The following FHIT variants were observed in gnomAD, a reference collection of about 807,000 sequenced individuals.
FHIT encodes bis(5'-adenosyl)-triphosphatase.
FHIT carries 19 observed loss-of-function variants against 17.9 expected under a neutral mutation model. The observed-to-expected ratio is 1.06, with a 90% confidence interval of 0.74 to 1.56. FHIT has a LOEUF of 1.56. Among genes scored for constraint, FHIT ranks in the 40% most tolerant of loss-of-function variants. The pLI, the probability that FHIT is intolerant of heterozygous loss-of-function variation, is 0.00. For missense variants in FHIT, 248 were observed against 189.2 expected, an observed-to-expected ratio of 1.31 and a Z score of -1.82; for synonymous variants, 81 against 69.7, an observed-to-expected ratio of 1.16 and a Z score of -0.81.
At chr3:59,899,488 C>T (rs937331819) in intron 8 of FHIT, among the ~76,000 whole-genome samples, 6 of 152,210 alleles carry the variant, frequency 3.9e-5, no homozygotes, top group Middle Eastern at 3.4e-3. Context: ...TGCCTAGCTT[C>T]GTGCCAGTTA....
chr3:61,102,653 G>A (rs1000243505), intron 2 of FHIT, among the ~76,000 whole-genome samples: 6 of 152,120 alleles, frequency 3.9e-5, no homozygotes, highest in Non-Finnish European at 7.4e-5. Context: ...TTGTATCTCT[G>A]GTAGAATTTG....
chr3:59,795,785 G>A (rs1219926178), intron 8 of FHIT, among the ~76,000 whole-genome samples: 2 of 152,168 alleles, frequency 1.3e-5, no homozygotes, highest in Admixed American at 6.5e-5. Flanking sequence ...TAAGGTAAGA[G>A]GTGCCCCGCT....
chr3:60,126,313 C>A (rs1705548260), intron 5 of FHIT, among the ~76,000 whole-genome samples: 1 of 152,196 alleles, frequency 6.6e-6, no homozygotes, highest in African/African-American at 2.4e-5. Flanking sequence ...CCCACCAGTG[C>A]CTCTCTATAT....
At chr3:60,405,852 G>A (rs1701836473) in intron 5 of FHIT, among the ~76,000 whole-genome samples, 1 of 152,156 alleles carries the variant, frequency 6.6e-6, no homozygotes, top group South Asian at 2.1e-4. Flanking sequence ...GAAACCCTCA[G>A]CTAGACAACT....
chr3:60,204,345 C>T (rs1461824473), intron 5 of FHIT, among the ~76,000 whole-genome samples: 2 of 152,180 alleles, frequency 1.3e-5, no homozygotes, highest in Non-Finnish European at 2.9e-5. Flanking sequence ...TNTCAGCTCA[C>T]CTCAGCCTCC....
intron 5 of FHIT, among the ~76,000 whole-genome samples, chr3:60,510,998 G>A (rs2034931574): frequency 6.6e-6 from 1 of 152,054 alleles, no homozygotes; most frequent in African/African-American, 2.4e-5. Context: ...CTGATGATGG[G>A]GGAAATGCAG....
At chr3:60,714,779 A>C (rs1396836308) in intron 4 of FHIT, among the ~76,000 whole-genome samples, 1 of 152,210 alleles carries the variant, frequency 6.6e-6, no homozygotes, top group Non-Finnish European at 1.5e-5. Flanking sequence ...TCAATGAAAT[A>C]AAAGAGGATA....
chr3:60,309,808 C>T (rs1708858529), intron 5 of FHIT, among the ~76,000 whole-genome samples: 1 of 152,082 alleles, frequency 6.6e-6, no homozygotes, highest in African/African-American at 2.4e-5. Flanking sequence ...TACATCCTCG[C>T]AGCTCTCCAA....
intron 5 of FHIT, among the ~76,000 whole-genome samples, chr3:60,201,844 G>C (rs1014141472): frequency 1.1e-4 from 2 of 18,452 alleles, no homozygotes; most frequent in Non-Finnish European, 1.7e-4. Flanking sequence ...TGGAGTCTCA[G>C]GGAGAAAAAA....
At chr3:60,692,900 A>C (rs372175199) in intron 4 of FHIT, among the ~76,000 whole-genome samples, 1 of 152,332 alleles carries the variant, frequency 6.6e-6, no homozygotes, top group Non-Finnish European at 1.5e-5. Context: ...TTTTCTGATT[A>C]GCGTTTGCAT....
chr3:59,800,490 A>G (rs1699949410), intron 8 of FHIT, among the ~76,000 whole-genome samples: 1 of 152,206 alleles, frequency 6.6e-6, no homozygotes, highest in Non-Finnish European at 1.5e-5. Context: ...GTTTCTCACC[A>G]AGTGGCCCGG....
chr3:60,632,497 T>C (rs540804447), intron 4 of FHIT, among the ~76,000 whole-genome samples: 6 of 152,310 alleles, frequency 3.9e-5, no homozygotes, highest in African/African-American at 1.4e-4. Flanking sequence ...CTCCAAATGC[T>C]GGCAGATGAC....
At chr3:60,668,943 C>T (rs1553693210) in intron 4 of FHIT, among the ~76,000 whole-genome samples, 2 of 152,098 alleles carry the variant, frequency 1.3e-5, no homozygotes, top group African/African-American at 4.8e-5. Flanking sequence ...CAGGAAAAAG[C>T]AGGGGAAAAT....
chr3:59,813,661 T>C (rs1052637359), intron 8 of FHIT, among the ~76,000 whole-genome samples: 2 of 152,176 alleles, frequency 1.3e-5, no homozygotes, highest in African/African-American at 2.4e-5. Flanking sequence ...CCTTTTGCAA[T>C]AGCAAAGATA....
intron 7 of FHIT, among the ~76,000 whole-genome samples, chr3:59,999,007 T>A (rs532642665): frequency 2.6e-5 from 4 of 152,098 alleles, no homozygotes; most frequent in Non-Finnish European, 5.9e-5. Flanking sequence ...AGTTATGGAT[T>A]TGATAATTTG....
intron 4 of FHIT, among the ~76,000 whole-genome samples, chr3:60,591,899 G>A (rs868980361): frequency 6.6e-6 from 1 of 151,852 alleles, no homozygotes; most frequent in African/African-American, 2.4e-5. Context: ...GAGAGAGTTC[G>A]GGGAGCATTT....
intron 7 of FHIT, among the ~76,000 whole-genome samples, chr3:59,996,150 G>A (rs896920056): frequency 3.9e-5 from 6 of 152,004 alleles, no homozygotes; most frequent in East Asian, 3.9e-4. Context: ...CTCCCCATTC[G>A]TGCTCTTATT....
intron 7 of FHIT, among the ~76,000 whole-genome samples, chr3:59,995,976 G>A (rs565001507): frequency 4.6e-5 from 7 of 152,174 alleles, no homozygotes; most frequent in African/African-American, 1.7e-4. Flanking sequence ...TACTATAGAT[G>A]AAGAAGAAGA....
At chr3:61,083,306 G>A (rs757562241) in intron 2 of FHIT, among the ~76,000 whole-genome samples, 2 of 152,064 alleles carry the variant, frequency 1.3e-5, no homozygotes, top group Non-Finnish European at 2.9e-5. Flanking sequence ...AGAAAGAAAC[G>A]TTGGCCCGGC....
Sources: allele counts gnomAD v4.1 joint callset (sites outside exome capture counted in the v4.1 genomes callset), GRCh38; gene constraint gnomAD v4.1.1; transcripts MANE v1.5; gene names NCBI Gene and HGNC (gene_info 2026-07-23, HGNC 2026-07-21).